The following OSGEP variants were observed in gnomAD, a reference collection of about 807,000 sequenced individuals.
OSGEP encodes the protein tRNA N6-adenosine threonylcarbamoyltransferase.
A neutral mutation model predicts 44.1 loss-of-function variants in OSGEP; 39 were observed. The ratio of observed to expected loss-of-function variants is 0.88; its 90% confidence interval spans 0.69 to 1.16. The LOEUF (loss-of-function observed/expected upper bound fraction) is 1.16. OSGEP is among the 50% of genes most tolerant of loss of function. OSGEP has a pLI of 0.00. For missense variants in OSGEP, 403 were observed against 443.1 expected, an observed-to-expected ratio of 0.91 and a Z score of 0.81; for synonymous variants, 139 against 161.9, an observed-to-expected ratio of 0.86 and a Z score of 1.07.
At position 20,447,989 on chromosome 14, in the gene OSGEP, A is replaced by G; in HGVS notation, c.708T>C (p.Thr236=). 3 of 1,613,628 alleles carry G rather than the reference A, an allele frequency of 1.9e-6. No individual in the cohort carries two copies. Among genetic ancestry groups the G allele is most frequent in the East Asian group, 2.2e-5 (1 of 44,890 alleles). The change falls in exon 8 of 11, where the codon ACT becomes ACC. Residue 236 remains threonine, a synonymous_variant. Coordinates refer to ENST00000206542, the MANE Select transcript of OSGEP (RefSeq NM_017807.4). ...TGATCTCTACCAGCATTGCAAACAC[A>G]GTTTCCTGTCAGGGACAGATAAGGA... ...PEDLCFSLQE[T]VFAMLVEITE...
chr14:20,450,322 T>A lies in OSGEP; in HGVS notation c.412-1056A>T, dbSNP rs558917341. On this transcript the variant is annotated intron_variant, in intron 3 of 10. Transcript: ENST00000206542. ...AGGGCTTCCTACGAACCTTAAGAAG[T>A]CCCTTTCCCTTCCCAGTGCTGTTAG... The A allele has an allele frequency of 2.6e-5, 4 of 152,260 alleles. No homozygotes were observed. The East Asian group carries it at 7.7e-4, about 29-fold the overall frequency. The allele number at this position is 152,260 out of a possible 1,614,324, so 9.4% of individuals were successfully genotyped here.
chr14:20,450,011 G>C (rs1881054153), intron 3 of OSGEP: 1 of 151,188 alleles, frequency 6.6e-6, no homozygotes, highest in Non-Finnish European at 1.5e-5. Context: ...AGCCAAGTCA[G>C]CAATGGCAAT....
chr14:20,452,276 C>T (rs114987529), intron 2 of OSGEP, 53 bp downstream of exon 2: 5 of 1,606,636 alleles, frequency 3.1e-6, no homozygotes, highest in Non-Finnish European at 3.4e-6. Context: ...CTATTTTGAC[C>T]TAGCCAGGTT....
intron 2 of OSGEP, 89 bp downstream of exon 2, chr14:20,452,240 T>C: frequency 6.3e-7 from 1 of 1,588,398 alleles, no homozygotes; most frequent in Non-Finnish European, 8.6e-7. Context: ...GTAGGGGTAG[T>C]GATGGTGGCA....
intron 8 of OSGEP, 64 bp from the exon 9 acceptor site, chr14:20,447,754 A>C (rs1880984933): frequency 7.3e-7 from 1 of 1,371,274 alleles, no homozygotes; most frequent in African/African-American, 1.4e-5. Flanking sequence ...CCAGCAGAAC[A>C]CGTCATGTGC....
At position 20,447,664 on chromosome 14, in the gene OSGEP, C is replaced by T. The variant is rs571541617; in HGVS notation, c.820G>A (p.Ala274Thr). 6.8e-6 allele frequency: 11 copies of T among 1,613,922 alleles called. No individual in the cohort carries two copies. In the East Asian group the frequency reaches 2.2e-4, roughly 33 times the overall value. ...GCTCCACGTTCCTGGCACATTGTTG[C>T]CATCATCTCCTGTAGCCTCACATTA... ...GCNVRLQEMMATMCQERGARL... is the reference protein window; with the variant it reads ...GCNVRLQEMMTTMCQERGARL... The change falls in exon 9 of 11, where the codon GCA becomes ACA. Residue 274 changes from alanine to threonine, a missense_variant. Ala to Thr is a moderately conservative substitution (Grantham distance 58). Coordinates refer to ENST00000206542, the MANE Select transcript of OSGEP (RefSeq NM_017807.4).
chr14:20,454,581 G>A lies in OSGEP; in HGVS notation c.103C>T (p.Pro35Ser). The A allele has an allele frequency of 6.2e-7, 1 of 1,612,440 alleles. No homozygotes were observed. The highest frequency in any genetic ancestry group is 8.5e-7 in the Non-Finnish European group (1 of 1,178,400). Reference sequence around the variant, plus strand: ...CCTACTCACCAACCTGTGCCAGGAGGCGTGACGTAAGTCCGCCGCGGGTTC... The same window carrying A: ...CCTACTCACCAACCTGTGCCAGGAGACGTGACGTAAGTCCGCCGCGGGTTC... ...LANPRRTYVT[P>S]PGTGFLPGDT... The change falls in exon 1 of 11, where the codon CCT becomes TCT. Residue 35 changes from proline to serine, a missense_variant. Pro to Ser is a moderately conservative substitution (Grantham distance 74). Transcript: ENST00000206542.
Position 20,454,560 on chromosome 14 carries a change from C to A in OSGEP, c.115+9G>T, listed in dbSNP as rs1396920460. On this transcript the variant is annotated intron_variant, in intron 1 of 10. Transcript: ENST00000206542. ...GCGCGGAAAACTCTTAAGTCCCCTACTCACCAACCTGTGCCAGGAGGCGTG... is the reference window on the plus strand; with the variant it reads ...GCGCGGAAAACTCTTAAGTCCCCTAATCACCAACCTGTGCCAGGAGGCGTG... 2 of 1,598,616 alleles carry A rather than the reference C, an allele frequency of 1.3e-6. No individual in the cohort carries two copies. Among genetic ancestry groups the A allele is most frequent in the East Asian group, 4.5e-5 (2 of 44,834 alleles).
chr14:20,449,355 G>T, intron 3 of OSGEP, 89 bp from the exon 4 acceptor site: 1 of 783,770 alleles, frequency 1.3e-6, no homozygotes, highest in Non-Finnish European at 2.3e-6. Context: ...GGATCAACAT[G>T]ACCACCAGGG....
intron 3 of OSGEP, 93 bp from the exon 4 acceptor site, chr14:20,449,359 AC>A: frequency 2.6e-6 from 2 of 775,062 alleles, no homozygotes; most frequent in Non-Finnish European, 4.6e-6. Flanking sequence ...CAACATGACC[AC>A]CAGGGCTTCC....
rs1881024432 is a variant in OSGEP at position 20,448,816 on chromosome 14, G to A, written c.558-5C>T. 6 of 1,610,644 alleles carry A rather than the reference G, an allele frequency of 3.7e-6. No individual in the cohort carries two copies. Among genetic ancestry groups the A allele is most frequent in the Non-Finnish European group, 5.1e-6 (6 of 1,176,854 alleles). ...AGCTCAACTAGCTTCTTGCCTCTAT[G>A]TGGGAATAAGCGTACGAGGCACTAA... On this transcript the variant is annotated splice_polypyrimidine_tract_variant and splice_region_variant and intron_variant, in intron 5 of 10. Coordinates refer to ENST00000206542, the MANE Select transcript of OSGEP (RefSeq NM_017807.4).
At position 20,454,684 on chromosome 14, in the gene OSGEP, G is replaced by A. The variant is rs1343683680; in HGVS notation, c.-1C>T. 1 of 1,610,542 alleles carries A rather than the reference G, an allele frequency of 6.2e-7. No homozygotes were observed. Among genetic ancestry groups the A allele is most frequent in the African/African-American group, 1.3e-5 (1 of 74,946 alleles). On this transcript the variant is annotated 5_prime_UTR_variant, in exon 1 of 11. Coordinates refer to ENST00000206542, the MANE Select transcript of OSGEP (RefSeq NM_017807.4). ...CTTCAAAACCCAGCACCGCCGGCAT[G>A]GCGGAGGCTGGGAGAAAACGCCGAC...
intron 8 of OSGEP, 43 bp from the exon 9 acceptor site, chr14:20,447,733 CTCT>C: frequency 1.3e-6 from 2 of 1,500,948 alleles, no homozygotes; most frequent in Non-Finnish European, 1.9e-6. Flanking sequence ...TTTTAGCCAT[CTCT>C]TCATGGTCCA....
rs979340125 is a variant in OSGEP at position 20,446,664 on chromosome 14, G to A, written c.*576C>T. The A allele has an allele frequency of 3.9e-5, 6 of 152,348 alleles. No homozygotes were observed. The highest frequency in any genetic ancestry group is 1.9e-4 in the East Asian group (1 of 5,186). The allele number at this position is 152,348 out of a possible 1,614,324, so 9.4% of individuals were successfully genotyped here. A position where few individuals can be genotyped will look rare whatever the true frequency, so the allele number is the denominator to read the frequency against. ...TTGCCCAGGCTGGGCTCAAACTCCTGGGCTCAAGGGATCCTCCTGACTTGG... is the reference window on the plus strand; with the variant it reads ...TTGCCCAGGCTGGGCTCAAACTCCTAGGCTCAAGGGATCCTCCTGACTTGG... On this transcript the variant is annotated 3_prime_UTR_variant, in exon 11 of 11. Coordinates refer to ENST00000206542, the MANE Select transcript of OSGEP (RefSeq NM_017807.4).
chr14:20,449,093 A>C (rs1881030948), intron 4 of OSGEP, 78 bp downstream of exon 4: 3 of 1,491,658 alleles, frequency 2.0e-6, no homozygotes, highest in Non-Finnish European at 2.8e-6. Context: ...AAGCTCATTT[A>C]CTATTTCCTC....
intron 3 of OSGEP, chr14:20,449,509 T>C: frequency 4.5e-6 from 2 of 446,988 alleles, no homozygotes; most frequent in South Asian, 5.4e-5. Flanking sequence ...AAATAAATTG[T>C]CATTTCAAAT....
intron 5 of OSGEP, 35 bp from the exon 6 acceptor site, chr14:20,448,846 A>G: frequency 6.3e-7 from 1 of 1,592,934 alleles, no homozygotes; most frequent in South Asian, 1.1e-5. Flanking sequence ...CACTAAGCCT[A>G]CAGTCAGCTG....
In OSGEP at chr14:20,447,238, T is replaced by C. The variant is rs372704405; in HGVS notation, c.*2A>G. The stretch of plus-strand genomic sequence containing the variant: ...CTATCTACTCTGATTCTGTTGATCT[T>C]ATTAGTCCCTCCAGGTCACCTCTAC... On this transcript the variant is annotated 3_prime_UTR_variant, in exon 11 of 11. Transcript: ENST00000206542. 2 of 1,613,394 alleles carry C rather than the reference T, an allele frequency of 1.2e-6. No homozygotes were observed. The highest frequency in any genetic ancestry group is 1.7e-6 in the Non-Finnish European group (2 of 1,179,390).
intron 10 of OSGEP, 48 bp from the exon 11 acceptor site, chr14:20,447,327 C>T (rs749790086): frequency 1.2e-6 from 2 of 1,609,902 alleles, no homozygotes; most frequent in East Asian, 4.5e-5. Context: ...CCTTAACATC[C>T]TTCATTCTTC....
Sources: allele counts gnomAD v4.1 joint callset, GRCh38; gene constraint gnomAD v4.1.1; transcripts MANE v1.5; gene names NCBI Gene and HGNC (gene_info 2026-07-23, HGNC 2026-07-21).